Variants in CSMD3 observed in about 807,000 individuals in gnomAD.
The protein encoded by CSMD3 is CUB and sushi domain-containing protein 3.
In CSMD3, 177 loss-of-function variants were observed where a neutral mutation model predicts 435.2. That is an observed-to-expected ratio of 0.41 (90% CI 0.36 to 0.46). The LOEUF (loss-of-function observed/expected upper bound fraction) is 0.46, where lower values mean the gene tolerates loss of function less well. Ranked by LOEUF, CSMD3 falls within the 20% of genes least tolerant of loss-of-function variation. CSMD3 has a pLI of 0.34. For synonymous variants in CSMD3, 1,656 were observed against 1,520.5 expected (o/e 1.09, Z -2.07); for missense variants, 4,265 against 4,504.6 (o/e 0.95, Z 1.52).
At chr8:113,345,162 G>T (rs1331838602) in intron 1 of CSMD3, among the ~76,000 whole-genome samples, 1 of 152,024 alleles carries the variant, frequency 6.6e-6, no homozygotes, top group Non-Finnish European at 1.5e-5. Context: ...ATTACTATTT[G>T]TAAGTACTGA....
At chr8:112,485,646 A>G (rs1820050991) in intron 31 of CSMD3, among the ~76,000 whole-genome samples, 1 of 152,146 alleles carries the variant, frequency 6.6e-6, no homozygotes. Context: ...TACCCAAACA[A>G]TATGATTTCA....
At chr8:113,326,892 T>C (rs1244263104) in intron 1 of CSMD3, among the ~76,000 whole-genome samples, 5 of 152,130 alleles carry the variant, frequency 3.3e-5, no homozygotes. Context: ...AGGAAAAATC[T>C]AGGAATCACT....
chr8:113,199,750 G>A (rs1450203257), intron 3 of CSMD3, among the ~76,000 whole-genome samples: 3 of 151,662 alleles, frequency 2.0e-5, no homozygotes, highest in African/African-American at 7.2e-5. Context: ...ATTACACTAT[G>A]CTGCATTTCA....
At chr8:113,385,294 T>G (rs1455834349) in intron 1 of CSMD3, among the ~76,000 whole-genome samples, 1 of 151,960 alleles carries the variant, frequency 6.6e-6, no homozygotes, top group Non-Finnish European at 1.5e-5. Context: ...AATACCCTAA[T>G]AAGAAAAATA....
chr8:113,348,843 T>C (rs1001337494), intron 1 of CSMD3, among the ~76,000 whole-genome samples: 4 of 152,090 alleles, frequency 2.6e-5, no homozygotes, highest in African/African-American at 4.8e-5. Context: ...TGTGTATAAA[T>C]TAAAATGTAT....
chr8:113,278,802 A>G, intron 2 of CSMD3, 98 bp from the exon 3 acceptor site: 1 of 679,270 alleles, frequency 1.5e-6, no homozygotes, highest in Non-Finnish European at 2.7e-6. Flanking sequence ...AATAAAACAG[A>G]TTTTCTCCTA....
intron 1 of CSMD3, among the ~76,000 whole-genome samples, chr8:113,389,125 T>C (rs1031403823): frequency 5.3e-5 from 8 of 151,672 alleles, no homozygotes; most frequent in African/African-American, 1.7e-4. Context: ...CTCAGTATGA[T>C]GAAAATCTAC....
At chr8:113,067,542 A>T (rs1403369980) in intron 5 of CSMD3, among the ~76,000 whole-genome samples, 2 of 152,078 alleles carry the variant, frequency 1.3e-5, no homozygotes, top group Non-Finnish European at 2.9e-5. Flanking sequence ...TTGCCATTGA[A>T]CACAATAGCA....
chr8:112,577,040 T>G (rs564375606), intron 23 of CSMD3, among the ~76,000 whole-genome samples: 1 of 152,130 alleles, frequency 6.6e-6, no homozygotes, highest in East Asian at 1.9e-4. Context: ...AGAAAACAAA[T>G]ACTGCTGAAG....
chr8:113,221,083 G>T (rs2092960720), intron 3 of CSMD3, among the ~76,000 whole-genome samples: 1 of 151,210 alleles, frequency 6.6e-6, no homozygotes, highest in Non-Finnish European at 1.5e-5. Flanking sequence ...AAAATGTTAT[G>T]GCGGCTAAAT....
At chr8:112,301,321 T>A (rs550233598) in intron 53 of CSMD3, among the ~76,000 whole-genome samples, 5,074 of 151,898 alleles carry the variant, frequency 0.033, 101 homozygotes, top group Non-Finnish European at 0.043. Flanking sequence ...TTCAAAAAAT[T>A]TTTTTTTAAT....
At chr8:113,000,391 A>G (rs1292866815) in intron 6 of CSMD3, among the ~76,000 whole-genome samples, 2 of 152,008 alleles carry the variant, frequency 1.3e-5, no homozygotes, top group Non-Finnish European at 2.9e-5. Flanking sequence ...CATGTCATAT[A>G]TTGACCACTT....
intron 35 of CSMD3, among the ~76,000 whole-genome samples, chr8:112,398,004 G>A (rs768886312): frequency 5.3e-5 from 8 of 152,062 alleles, no homozygotes; most frequent in South Asian, 4.2e-4. Flanking sequence ...ACTCACCTCC[G>A]GCTATGAGTC....
At chr8:113,051,981 T>C (rs1587971765) in intron 5 of CSMD3, among the ~76,000 whole-genome samples, 1 of 152,334 alleles carries the variant, frequency 6.6e-6, no homozygotes, top group East Asian at 1.9e-4. Context: ...GATCTGTTTC[T>C]GGTACTTGTT....
intron 3 of CSMD3, among the ~76,000 whole-genome samples, chr8:113,266,489 A>T (rs990575539): frequency 3.3e-5 from 5 of 151,466 alleles, no homozygotes; most frequent in African/African-American, 1.2e-4. Context: ...AAATTTCTAA[A>T]ATGTATACAG....
chr8:113,314,321 C>A, intron 2 of CSMD3: 1 of 424,932 alleles, frequency 2.4e-6, no homozygotes, highest in South Asian at 3.1e-5. Flanking sequence ...TACCTTTAGC[C>A]ACTATAAAGA....
intron 70 of CSMD3, among the ~76,000 whole-genome samples, 166 bp downstream of exon 70, chr8:112,228,590 G>T (rs1163848555): frequency 6.6e-6 from 1 of 152,152 alleles, no homozygotes; most frequent in African/African-American, 2.4e-5. Context: ...ATGTTGCAGG[G>T]GTGGTTAGGG....
intron 3 of CSMD3, among the ~76,000 whole-genome samples, chr8:113,184,038 C>T (rs951142024): frequency 3.9e-5 from 6 of 152,034 alleles, no homozygotes; most frequent in African/African-American, 1.4e-4. Context: ...AAGTCTGGGC[C>T]TCTGGAACCT....
chr8:113,231,024 T>G (rs1334833231), intron 3 of CSMD3, among the ~76,000 whole-genome samples: 1 of 151,416 alleles, frequency 6.6e-6, no homozygotes, highest in Admixed American at 6.6e-5. Context: ...TTTTTTCTTT[T>G]GAATACCCAC....
Sources: allele counts gnomAD v4.1 joint callset (sites outside exome capture counted in the v4.1 genomes callset), GRCh38; gene constraint gnomAD v4.1.1; transcripts MANE v1.5; gene names NCBI Gene and HGNC (gene_info 2026-07-23, HGNC 2026-07-21).